Variants in C1GALT1 observed in about 807,000 individuals in gnomAD.
The protein encoded by C1GALT1 is glycoprotein-N-acetylgalactosamine 3-beta-galactosyltransferase 1.
Under a neutral mutation model 31.0 loss-of-function variants are expected in C1GALT1, and 11 were observed. The observed-to-expected ratio is 0.36, with a 90% CI of 0.22 to 0.59. C1GALT1 has a LOEUF of 0.59. Ranked by LOEUF, C1GALT1 falls within the 20% of genes least tolerant of loss-of-function variation. The pLI is 0.79. For missense variants in C1GALT1, 424 were observed against 425.2 expected (o/e 1.00, Z 0.03); for synonymous variants, 175 against 143.6 (o/e 1.22, Z -1.56).
intron 2 of C1GALT1, among the ~76,000 whole-genome samples, chr7:7,160,733 A>AT (rs1368427531): frequency 1.3e-5 from 2 of 152,122 alleles, no homozygotes; most frequent in African/African-American, 4.8e-5. Context: ...GTCGAAGTAC[A>AT]TGTCCAAAGG....
chr7:7,216,863 A>G (rs558363390), intron 1 of C1GALT1, among the ~76,000 whole-genome samples: 7 of 152,198 alleles, frequency 4.6e-5, no homozygotes, highest in Non-Finnish European at 8.8e-5. Context: ...AGAAATGACC[A>G]TGTGCTTCCC....
intron 1 of C1GALT1, among the ~76,000 whole-genome samples, chr7:7,200,658 C>A (rs369460738): frequency 6.6e-6 from 1 of 152,296 alleles, no homozygotes; most frequent in South Asian, 2.1e-4. Flanking sequence ...TTGGTCTTTT[C>A]ACATGGTCCC....
chr7:7,219,095 C>T (rs1782390168), intron 1 of C1GALT1, among the ~76,000 whole-genome samples: 1 of 152,178 alleles, frequency 6.6e-6, no homozygotes, highest in Admixed American at 6.5e-5. Context: ...GCCTCGGCCT[C>T]CCAAAGTGCT....
At chr7:7,235,048 C>G (rs1253466682) in intron 2 of C1GALT1, 1 of 152,446 alleles carries the variant, frequency 6.6e-6, no homozygotes, top group Non-Finnish European at 1.5e-5. Flanking sequence ...AGCCTCCTAC[C>G]TCTAACCAGA....
intron 1 of C1GALT1, among the ~76,000 whole-genome samples, chr7:7,214,582 A>C (rs61244224): frequency 0.16 from 24,819 of 152,142 alleles, 2,346 homozygotes; most frequent in East Asian, 0.36. Context: ...GAACTTTCGA[A>C]AGTAACCTCA....
intron 2 of C1GALT1, among the ~76,000 whole-genome samples, chr7:7,237,973 G>A (rs1783441884): frequency 6.6e-6 from 1 of 152,166 alleles, no homozygotes; most frequent in African/African-American, 2.4e-5. Context: ...AGGCTCCCAG[G>A]TGATGCTGCT....
rs1273881677 is a variant in C1GALT1, at chr7:7,238,791, G to T, written c.757G>T (p.Glu253Ter). The change falls in exon 3 of 4, where the codon GAA (glutamate) becomes TAA (stop). Residue 253 changes from glutamate to a stop codon, truncating the protein, a stop_gained. Coordinates refer to ENST00000436587, the MANE Select transcript of C1GALT1 (RefSeq NM_020156.5). LOFTEE classifies it high-confidence loss of function. The surrounding 1 kb of genome is among the most constrained non-coding windows in gnomAD (Gnocchi z 5.2). ...LGRCMEIMNV[E>*]AGDSRDTIGK... ...GAGATGCATGGAAATTATGAATGTA[G>T]AAGCAGGAGATTCCAGAGATACCAT... The T allele has an allele frequency of 1.2e-6, 2 of 1,613,698 alleles. No individual in the cohort carries two copies. Among genetic ancestry groups the T allele is most frequent in the African/African-American group, 2.7e-5 (2 of 74,922 alleles).
intron 2 of C1GALT1, among the ~76,000 whole-genome samples, chr7:7,237,893 C>T (rs1269220341): frequency 2.0e-5 from 3 of 152,258 alleles, no homozygotes; most frequent in Middle Eastern, 3.4e-3. Flanking sequence ...GCCTATGAAG[C>T]ACCAGGAGAA....
chr7:7,218,026 A>T lies in C1GALT1; in HGVS notation c.-17-16277A>T, dbSNP rs188079327. ...TTTGCGGGGAGCTTTACTGATGAGT[A>T]TATAGTAAAGGTGTAAATGAAGGAA... is the stretch of plus-strand genomic sequence containing the variant. On this transcript the variant is annotated intron_variant, in intron 1 of 3. Transcript: ENST00000436587. 5.9e-5 allele frequency among the ~76,000 whole-genome samples: 9 copies of T among 152,278 alleles called. No homozygotes were observed. In the East Asian group the frequency reaches 1.3e-3, roughly 23 times the overall value.
chr7:7,180,388 AC>A (rs760547202), upstream of C1GALT1, among the ~76,000 whole-genome samples: 7 of 152,244 alleles, frequency 4.6e-5, no homozygotes, highest in Non-Finnish European at 8.8e-5. Context: ...TTCATCAGAG[AC>A]TTTTTTTATG....
At chr7:7,192,629 G>C (rs10281784) in intron 1 of C1GALT1, among the ~76,000 whole-genome samples, 105,257 of 151,614 alleles carry the variant, frequency 0.69, 37,262 homozygotes, top group East Asian at 0.94. Flanking sequence ...GTTCAAGTGT[G>C]TTTTTCGTAT....
At chr7:7,191,009 T>C (rs1781049154) in intron 1 of C1GALT1, among the ~76,000 whole-genome samples, 1 of 152,134 alleles carries the variant, frequency 6.6e-6, no homozygotes, top group African/African-American at 2.4e-5. Context: ...TTTACCATCA[T>C]AATCATTTTT....
chr7:7,214,287 C>T (rs1379345564), intron 1 of C1GALT1, among the ~76,000 whole-genome samples: 1 of 152,164 alleles, frequency 6.6e-6, no homozygotes, highest in Non-Finnish European at 1.5e-5. Flanking sequence ...GTGGCATCTC[C>T]TGTTTTTCCC....
At chr7:7,171,322 G>C (rs1780452706) in intron 2 of C1GALT1, among the ~76,000 whole-genome samples, 1 of 151,926 alleles carries the variant, frequency 6.6e-6, no homozygotes, top group Admixed American at 6.5e-5. Flanking sequence ...ATAACTTTTT[G>C]ATGATATATA....
chr7:7,163,610 C>T (rs894107031), intron 2 of C1GALT1, among the ~76,000 whole-genome samples: 1 of 152,010 alleles, frequency 6.6e-6, no homozygotes, highest in Admixed American at 6.5e-5. Flanking sequence ...TAAGCAACTT[C>T]AGCAAAGTCT....
At chr7:7,227,797 T>C (rs1300396403) in intron 1 of C1GALT1, among the ~76,000 whole-genome samples, 2 of 151,746 alleles carry the variant, frequency 1.3e-5, no homozygotes, top group African/African-American at 4.8e-5. Context: ...CATGTGATGC[T>C]CTGTGCCACC....
intron 1 of C1GALT1, among the ~76,000 whole-genome samples, chr7:7,220,396 G>T (rs74350993): frequency 0.062 from 9,458 of 152,198 alleles, 362 homozygotes; most frequent in East Asian, 0.16. Flanking sequence ...ACTTCTCCCA[G>T]TCCCCAGACC....
intron 1 of C1GALT1, among the ~76,000 whole-genome samples, chr7:7,185,426 A>G (rs934957535): frequency 1.3e-5 from 2 of 152,204 alleles, no homozygotes; most frequent in African/African-American, 4.8e-5. Flanking sequence ...ATTTAAAACA[A>G]CAGATTTATT....
intron 1 of C1GALT1, among the ~76,000 whole-genome samples, chr7:7,194,000 C>T (rs555822819): frequency 2.6e-5 from 4 of 151,972 alleles, no homozygotes; most frequent in African/African-American, 9.6e-5. Flanking sequence ...TATAGCAATG[C>T]CACCGATTTG....
Sources: allele counts gnomAD v4.1 joint callset (sites outside exome capture counted in the v4.1 genomes callset), GRCh38; gene constraint gnomAD v4.1.1; non-coding constraint Gnocchi (gnomAD v3.1); transcripts MANE v1.5; gene names NCBI Gene and HGNC (gene_info 2026-07-23, HGNC 2026-07-21).